ABCA1: variants seen among roughly 807,000 people sequenced by gnomAD.
ABCA1 encodes the protein phospholipid-transporting ATPase ABCA1.
In ABCA1, 133 loss-of-function variants were observed where a neutral mutation model predicts 262.5. That is an observed-to-expected ratio of 0.51 (90% CI 0.44 to 0.59). The LOEUF (loss-of-function observed/expected upper bound fraction) is 0.59. Ranked by LOEUF, ABCA1 falls within the 20% of genes least tolerant of loss-of-function variation. The pLI is 0.00. For missense variants in ABCA1, 2,452 were observed against 2,777.5 expected (o/e 0.88, Z 2.63); for synonymous variants, 1,022 against 1,043.5 (o/e 0.98, Z 0.40).
chr9:104,845,447 G>A (rs768871433), intron 8 of ABCA1, 30 bp downstream of exon 8: 75 of 1,515,812 alleles, frequency 4.9e-5, no homozygotes, highest in South Asian at 1.0e-4. Context: ...TGGATGATCC[G>A]CTTCCTGGTA....
At chr9:104,846,050 G>A (rs1347635846) in intron 7 of ABCA1, among the ~76,000 whole-genome samples, 1 of 152,204 alleles carries the variant, frequency 6.6e-6, no homozygotes, top group Admixed American at 6.5e-5. Flanking sequence ...TCTAACACTG[G>A]AAATTGAATG....
chr9:104,835,246 C>CA (rs201375651), intron 11 of ABCA1, among the ~76,000 whole-genome samples: 398 of 99,090 alleles, frequency 4.0e-3, no homozygotes, highest in African/African-American at 6.3e-3. Flanking sequence ...AGACTCTGTC[C>CA]AAAAAAAAAA....
At chr9:104,870,842 T>C (rs1168587184) in intron 5 of ABCA1, among the ~76,000 whole-genome samples, 1 of 152,048 alleles carries the variant, frequency 6.6e-6, no homozygotes, top group Non-Finnish European at 1.5e-5. Context: ...AAGGGGGTTG[T>C]TCTCTGGTGG....
chr9:104,824,332 C>T (rs1172301509), intron 18 of ABCA1, 133 bp downstream of exon 18: 28 of 1,523,642 alleles, frequency 1.8e-5, no homozygotes, highest in African/African-American at 6.9e-5. Context: ...GAAAGGGACA[C>T]TGCATGTGAT....
chr9:104,814,234 G>A lies in ABCA1; in HGVS notation c.3788-3C>T, dbSNP rs1274056725. The stretch of plus-strand genomic sequence containing the variant: ...TCGTCTTGCTGGCAAGGTACCATCT[G>A]AAGGCACAAGGAAAGAATCCCATAC... On this transcript the variant is annotated splice_region_variant and splice_polypyrimidine_tract_variant and intron_variant, in intron 26 of 49. Coordinates refer to ENST00000374736, the MANE Select transcript of ABCA1 (RefSeq NM_005502.4). The A allele has an allele frequency of 1.9e-6, 3 of 1,614,022 alleles. No homozygotes were observed. Among genetic ancestry groups the A allele is most frequent in the Non-Finnish European group, 2.5e-6 (3 of 1,179,862 alleles).
chr9:104,808,433 C>G (rs2740476), intron 30 of ABCA1, among the ~76,000 whole-genome samples: 44,970 of 152,034 alleles, frequency 0.3, 7,906 homozygotes, highest in African/African-American at 0.49. Flanking sequence ...TGTGGAAAAT[C>G]AAAGGCACCA....
chr9:104,793,060 A>G (rs1241707909), intron 41 of ABCA1, 111 bp downstream of exon 41: 1 of 1,587,296 alleles, frequency 6.3e-7, no homozygotes, highest in Admixed American at 1.7e-5. Flanking sequence ...AATCAGTTTT[A>G]TCACATATTT....
intron 34 of ABCA1, 52 bp downstream of exon 34, chr9:104,802,002 C>A (rs1830377841): frequency 1.9e-6 from 3 of 1,541,224 alleles, no homozygotes; most frequent in Non-Finnish European, 2.7e-6. Context: ...ACTCCTATAT[C>A]CCAGCAGCTA....
intron 42 of ABCA1, 150 bp downstream of exon 42, chr9:104,792,636 G>A (rs377671465): frequency 1.0e-6 from 1 of 953,248 alleles, no homozygotes; most frequent in South Asian, 1.5e-5. Flanking sequence ...TCTCCATGGT[G>A]TTTTTAAAAT....
intron 34 of ABCA1, among the ~76,000 whole-genome samples, chr9:104,801,378 C>T (rs1397872571): frequency 6.6e-6 from 1 of 150,860 alleles, no homozygotes; most frequent in Non-Finnish European, 1.5e-5. Flanking sequence ...CGCCACCATG[C>T]CCGGCTAATT....
Position 104,889,169 on chromosome 9 carries a change from C to T in ABCA1, c.93G>A (p.Trp31Ter). Reference sequence around the variant, plus strand: ...TCAGGATCAGGAAGATAAATAGAGGCCAGGCCACTTCCAGCAGCAGCTGAC... The same window carrying T: ...TCAGGATCAGGAAGATAAATAGAGGTCAGGCCACTTCCAGCAGCAGCTGAC... ...QTCQLLLEVAWPLFIFLILIS... is the reference protein window; with the variant it reads ...QTCQLLLEVA Residue 31 changes from tryptophan to a stop codon, truncating the protein, a stop_gained, in exon 3 of 50, where the codon TGG (tryptophan) becomes TGA (stop). Coordinates refer to ENST00000374736, the MANE Select transcript of ABCA1 (RefSeq NM_005502.4). LOFTEE classifies it high-confidence loss of function. The T allele has an allele frequency of 6.2e-7, 1 of 1,614,106 alleles. No individual in the cohort carries two copies. The highest frequency in any genetic ancestry group is 8.5e-7 in the Non-Finnish European group (1 of 1,180,002).
At chr9:104,886,889 C>T (rs563797688) in intron 3 of ABCA1, among the ~76,000 whole-genome samples, 28 of 152,192 alleles carry the variant, frequency 1.8e-4, no homozygotes, top group Non-Finnish European at 3.4e-4. Flanking sequence ...TTCCTAGGGA[C>T]AAGACACCTC....
intron 15 of ABCA1, 68 bp from the exon 16 acceptor site, chr9:104,827,237 A>G: frequency 7.4e-7 from 1 of 1,352,032 alleles, no homozygotes; most frequent in South Asian, 1.2e-5. Context: ...TATGATCTAC[A>G]GAAAAAAGAC....
At chr9:104,855,003 CT>C (rs2119084470) in intron 7 of ABCA1, 1 of 330,838 alleles carries the variant, frequency 3.0e-6, no homozygotes, top group African/African-American at 2.3e-5. Context: ...CCCCAGGGAA[CT>C]TTAAAAACAC....
rs2118976699 is a variant in ABCA1, at chr9:104,822,641, A to G, written c.2683T>C (p.Leu895=). 1.9e-6 allele frequency: 3 copies of G among 1,614,112 alleles called. No individual in the cohort carries two copies. The highest frequency in any genetic ancestry group is 2.5e-6 in the Non-Finnish European group (3 of 1,180,008). The stretch of plus-strand genomic sequence containing the variant: ...TTCTGAATGGACACGCCCAGCTTCA[A>G]GTGGGTGGGTTCCTCCTCCATGCAG... ...EICMEEEPTH[L]KLGVSIQNLV... The change falls in exon 19 of 50, where the codon TTG becomes CTG. Residue 895 remains leucine, a synonymous_variant. Coordinates refer to ENST00000374736, the MANE Select transcript of ABCA1 (RefSeq NM_005502.4).
At chr9:104,855,608 G>T in intron 7 of ABCA1, 1 of 1,392,862 alleles carries the variant, frequency 7.2e-7, no homozygotes. Flanking sequence ...TGTGTGCCAG[G>T]CCCCACACCA....
intron 18 of ABCA1, among the ~76,000 whole-genome samples, chr9:104,823,543 G>A (rs1055974214): frequency 6.6e-6 from 1 of 152,088 alleles, no homozygotes; most frequent in African/African-American, 2.4e-5. Flanking sequence ...TTTCTTTCAC[G>A]TGCCATGGAA....
intron 23 of ABCA1, among the ~76,000 whole-genome samples, chr9:104,818,292 T>C (rs1169928961): frequency 1.3e-5 from 2 of 152,214 alleles, no homozygotes; most frequent in Non-Finnish European, 1.5e-5. Context: ...TTGGCTGTTT[T>C]ATAGTTTAAA....
intron 2 of ABCA1, among the ~76,000 whole-genome samples, chr9:104,896,565 C>T (rs1274953368): frequency 6.6e-6 from 1 of 151,756 alleles, no homozygotes; most frequent in Non-Finnish European, 1.5e-5. Flanking sequence ...TTCTGAGAGG[C>T]AAAAAGGTAA....
Sources: gnomAD v4.1 joint callset for allele counts (sites outside exome capture counted in the v4.1 genomes callset) on GRCh38, gnomAD v4.1.1 for gene constraint, MANE v1.5 for transcripts, NCBI Gene and HGNC (gene_info 2026-07-23, HGNC 2026-07-21) for gene names.